The following AQP1 variants were observed in gnomAD, a reference collection of about 807,000 sequenced individuals.
The protein encoded by AQP1 is aquaporin 1 (Colton blood group).
A neutral mutation model predicts 19.7 loss-of-function variants in AQP1; 11 were observed. The ratio of observed to expected loss-of-function variants is 0.56; its 90% CI spans 0.35 to 0.92. The LOEUF is 0.92. AQP1 is among the 40% of genes least tolerant of loss of function. The probability of loss-of-function intolerance (pLI) is 0.01; values close to 1 mark genes in which losing one functional copy is unlikely to be tolerated. For missense variants in AQP1, 320 were observed against 369.7 expected, an observed-to-expected ratio of 0.87 and a Z score of 1.10; for synonymous variants, 159 against 166.7, an observed-to-expected ratio of 0.95 and a Z score of 0.36.
Position 30,918,850 on chromosome 7 carries a change from G to A in AQP1, c.385-3216G>A, listed in dbSNP as rs188906959. On this transcript the variant is annotated intron_variant, in intron 1 of 3. Coordinates refer to ENST00000311813, the MANE Select transcript of AQP1 (RefSeq NM_198098.4). The stretch of plus-strand genomic sequence containing the variant: ...CAAGCTGGGAATAGCCAGGTCCCTT[G>A]ACTGGGCCTAGGAGTGGCCAGCCCA... 3.4e-4 allele frequency among the ~76,000 whole-genome samples: 52 copies of A among 152,346 alleles called. No individual in the cohort carries two copies. In the East Asian group the frequency reaches 9.6e-3, roughly 28 times the overall value.
intron 1 of AQP1, among the ~76,000 whole-genome samples, chr7:30,916,488 C>A (rs899745041): frequency 6.6e-6 from 1 of 152,228 alleles, no homozygotes; most frequent in Non-Finnish European, 1.5e-5. Context: ...ATGCTGTCCG[C>A]GAGGCCCTGC....
chr7:30,924,206 T>G lies in AQP1; in HGVS notation c.*577T>G, dbSNP rs1342488811. ...TTGGAATCGTCCCTATATCAGGGCC[T>G]GAGTGACCTCCTTCTGCAAAGTGGC... On this transcript the variant is annotated 3_prime_UTR_variant, in exon 4 of 4. Coordinates refer to ENST00000311813, the MANE Select transcript of AQP1 (RefSeq NM_198098.4). 2.1e-6 allele frequency: 2 copies of G among 965,856 alleles called. No individual in the cohort carries two copies. The highest frequency in any genetic ancestry group is 6.0e-5 in the East Asian group (1 of 16,742). 59.8% of individuals were successfully genotyped at this position (965,856 alleles called of 1,614,324 possible).
At position 30,921,393 on chromosome 7, in the gene AQP1, G is replaced by A. The variant is rs894992218; in HGVS notation, c.385-673G>A. The A allele has an allele frequency of 2.8e-6, 4 of 1,414,368 alleles. No individual in the cohort carries two copies. The African/African-American group carries it at 4.3e-5, about 15-fold the overall frequency. 87.6% of individuals were successfully genotyped at this position (1,414,368 alleles called of 1,614,324 possible). A position where few individuals can be genotyped will look rare whatever the true frequency, so the allele number is the denominator to read the frequency against. On this transcript the variant is annotated intron_variant, in intron 1 of 3. Transcript: ENST00000311813. ...GGGTGAGGCTGAGGCCAGCAGTGGG[G>A]AGGAAGAAGAGAGAAGGAGAGACAG... is the stretch of plus-strand genomic sequence containing the variant.
rs1295363665 is a variant in AQP1 at position 30,912,498 on chromosome 7, T to C, written c.384+205T>C. Among the ~76,000 whole-genome samples the C allele has an allele frequency of 6.6e-6, 1 of 152,222 alleles. No individual in the cohort carries two copies. Among genetic ancestry groups the C allele is most frequent in the Non-Finnish European group, 1.5e-5 (1 of 68,048 alleles). On this transcript the variant is annotated intron_variant, in intron 1 of 3. Transcript: ENST00000311813. The surrounding 1 kb of genome is among the most constrained non-coding windows in gnomAD (Gnocchi z 4.3). ...CCAAAGCCTGTTTTCTGCCAGGCAC[T>C]GTGGGAAGCTGAGATCCAGAGAATA...
intron 1 of AQP1, among the ~76,000 whole-genome samples, chr7:30,918,088 G>A (rs1791404462): frequency 6.6e-6 from 1 of 151,586 alleles, no homozygotes; most frequent in Non-Finnish European, 1.5e-5. Context: ...TCTGCCTCCC[G>A]GGTTTATGCC....
At chr7:30,922,686 C>A (rs955246161) in intron 3 of AQP1, 42 bp downstream of exon 3, 2 of 1,558,888 alleles carry the variant, frequency 1.3e-6, no homozygotes, top group Non-Finnish European at 1.8e-6. Context: ...CTTTGGTGTC[C>A]CATGGTAAGC....
chr7:30,921,721 C>G (rs1791505350), intron 1 of AQP1: 1 of 1,550,792 alleles, frequency 6.4e-7, no homozygotes, highest in African/African-American at 1.4e-5. Flanking sequence ...GGGCTCGCCC[C>G]TTGCCTCTGG....
intron 3 of AQP1, 40 bp downstream of exon 3, chr7:30,922,684 T>C (rs1791554279): frequency 1.3e-6 from 2 of 1,575,704 alleles, no homozygotes; most frequent in Admixed American, 1.7e-5. Context: ...AGCTTTGGTG[T>C]CCCATGGTAA....
At chr7:30,915,128 T>C (rs530578336) in intron 1 of AQP1, among the ~76,000 whole-genome samples, 4 of 152,158 alleles carry the variant, frequency 2.6e-5, no homozygotes, top group African/African-American at 9.6e-5. Flanking sequence ...AAGTAGGAGA[T>C]GCTGGTGGAC....
At chr7:30,919,716 A>ATTTGAAG (rs1791449637) in intron 1 of AQP1, among the ~76,000 whole-genome samples, 1 of 152,200 alleles carries the variant, frequency 6.6e-6, no homozygotes, top group African/African-American at 2.4e-5. Context: ...ACAGTAACGT[A>ATTTGAAG]CATTTGAAGT....
At chr7:30,914,602 C>A (rs1421380122) in intron 1 of AQP1, among the ~76,000 whole-genome samples, 1 of 152,194 alleles carries the variant, frequency 6.6e-6, no homozygotes, top group African/African-American at 2.4e-5. Context: ...GGCCCTGGAA[C>A]TGGAGGGGCC....
intron 3 of AQP1, 49 bp downstream of exon 3, chr7:30,922,693 A>G: frequency 1.3e-6 from 2 of 1,532,068 alleles, no homozygotes; most frequent in Non-Finnish European, 9.0e-7. Flanking sequence ...GTCCCATGGT[A>G]AGCCTGACCC....
At position 30,922,687 on chromosome 7, in the gene AQP1, C is replaced by G. The variant is rs751657375; in HGVS notation, c.630+43C>G. 7 of 1,558,330 alleles carry G rather than the reference C, an allele frequency of 4.5e-6. No homozygotes were observed. The Admixed American group carries it at 1.2e-4, about 26-fold the overall frequency. ...GGTGGGGTGGGAAGCTTTGGTGTCCCATGGTAAGCCTGACCCCACCCTCAC... is the reference window on the plus strand; with the variant it reads ...GGTGGGGTGGGAAGCTTTGGTGTCCGATGGTAAGCCTGACCCCACCCTCAC... On this transcript the variant is annotated intron_variant, in intron 3 of 3. Transcript: ENST00000311813.
rs1791631566 is a variant in AQP1, at chr7:30,924,655, G to C, written c.*1026G>C. The C allele has an allele frequency of 6.6e-6, 1 of 152,256 alleles. No individual in the cohort carries two copies. The highest frequency in any genetic ancestry group is 1.5e-5 in the Non-Finnish European group (1 of 68,068). 9.4% of individuals were successfully genotyped at this position (152,256 alleles called of 1,614,324 possible). Reference sequence around the variant, plus strand: ...TATGCTGGTGTATGTTTATCAAAGAGCACTTGAGCTGTCTGAAGCCCAAAG... The same window carrying C: ...TATGCTGGTGTATGTTTATCAAAGACCACTTGAGCTGTCTGAAGCCCAAAG... On this transcript the variant is annotated 3_prime_UTR_variant, in exon 4 of 4. Coordinates refer to ENST00000311813, the MANE Select transcript of AQP1 (RefSeq NM_198098.4).
intron 2 of AQP1, 71 bp downstream of exon 2, chr7:30,922,301 G>T: frequency 6.6e-7 from 1 of 1,519,574 alleles, no homozygotes; most frequent in South Asian, 1.2e-5. Flanking sequence ...CCCTGCCATG[G>T]GCAGCCAGTG....
At chr7:30,920,230 A>C (rs1326336927) in intron 1 of AQP1, among the ~76,000 whole-genome samples, 1 of 152,118 alleles carries the variant, frequency 6.6e-6, no homozygotes, top group Non-Finnish European at 1.5e-5. Context: ...TGGTTTCAGG[A>C]CTTCTGCCAG....
chr7:30,919,447 A>T (rs143802334), intron 1 of AQP1, among the ~76,000 whole-genome samples: 182 of 152,288 alleles, frequency 1.2e-3, no homozygotes, highest in African/African-American at 4.2e-3. Flanking sequence ...CTTCAGAAGA[A>T]ATGTGTGGAT....
chr7:30,915,359 C>G (rs1344185285), intron 1 of AQP1, among the ~76,000 whole-genome samples: 1 of 143,348 alleles, frequency 7.0e-6, no homozygotes, highest in Non-Finnish European at 1.5e-5. Context: ...GGTGTCAGGG[C>G]GGGCCCGGGA....
chr7:30,921,823 G>T (rs750322155), intron 1 of AQP1: 1 of 1,550,094 alleles, frequency 6.5e-7, no homozygotes, highest in African/African-American at 1.4e-5. Flanking sequence ...GCAGAGTGGG[G>T]CCTGGGTCTA....
Sources: allele counts gnomAD v4.1 joint callset (sites outside exome capture counted in the v4.1 genomes callset), GRCh38; gene constraint gnomAD v4.1.1; non-coding constraint Gnocchi (gnomAD v3.1); transcripts MANE v1.5; gene names NCBI Gene and HGNC (gene_info 2026-07-23, HGNC 2026-07-21).